Variants in PDE4D observed in about 807,000 individuals in gnomAD.
The protein encoded by PDE4D is phosphodiesterase 4D.
Under a neutral mutation model 87.4 loss-of-function variants are expected in PDE4D, and 24 were observed. That is an observed-to-expected ratio of 0.27 (90% CI 0.20 to 0.39). The LOEUF is 0.39. Among genes scored for constraint, PDE4D ranks in the 10% least tolerant of loss-of-function variants. The pLI, the probability that PDE4D is intolerant of heterozygous loss-of-function variation, is 1.00. For synonymous variants in PDE4D, 384 were observed against 383.2 expected, an observed-to-expected ratio of 1.00 and a Z score of -0.02; for missense variants, 714 against 1,041.0, an observed-to-expected ratio of 0.69 and a Z score of 4.32.
intron 1 of PDE4D, among the ~76,000 whole-genome samples, chr5:59,801,750 C>T (rs1024866572): frequency 6.6e-6 from 1 of 152,096 alleles, no homozygotes; most frequent in African/African-American, 2.4e-5. Flanking sequence ...CACAATGAAT[C>T]ATCTACTCCA....
chr5:60,396,311 C>T lies in PDE4D; in HGVS notation c.-90+91631G>A, dbSNP rs573393656. Among the ~76,000 whole-genome samples the T allele has an allele frequency of 4.6e-5, 7 of 152,238 alleles. No homozygotes were observed. The South Asian group carries it at 1.2e-3, about 27-fold the overall frequency. ...AATAAGAAAAGCCTCCTGTGTCTTC[C>T]TTTATGAAGTCAGGAAGGTGAACTG... is the stretch of plus-strand genomic sequence containing the variant. On this transcript the variant is annotated intron_variant, in intron 1 of 16. Coordinates refer to the PDE4D transcript ENST00000502484.
intron 1 of PDE4D, among the ~76,000 whole-genome samples, chr5:59,624,321 C>CT (rs5868188): frequency 0.86 from 131,550 of 152,116 alleles, 56,933 homozygotes; most frequent in South Asian, 0.93. Context: ...ACTCCTGCCC[C>CT]GATCACAATG....
intron 5 of PDE4D, among the ~76,000 whole-genome samples, chr5:59,116,195 G>T (rs1561511995): frequency 2.0e-5 from 3 of 152,002 alleles, no homozygotes; most frequent in African/African-American, 7.3e-5. Flanking sequence ...TGTTTTTTGA[G>T]CACATATATT....
intron 5 of PDE4D, among the ~76,000 whole-genome samples, chr5:59,041,460 C>T (rs767910711): frequency 1.2e-4 from 18 of 152,222 alleles, no homozygotes; most frequent in Non-Finnish European, 2.1e-4. Context: ...ATTTTCCTCT[C>T]TCTCTCATTC....
intron 2 of PDE4D, among the ~76,000 whole-genome samples, chr5:60,156,676 C>T (rs1204521150): frequency 2.0e-5 from 3 of 152,070 alleles, no homozygotes; most frequent in Non-Finnish European, 4.4e-5. Context: ...AAAACAAAAT[C>T]ACCCATAATC....
chr5:59,684,793 A>T (rs1749587501), intron 1 of PDE4D, among the ~76,000 whole-genome samples: 1 of 152,244 alleles, frequency 6.6e-6, no homozygotes, highest in African/African-American at 2.4e-5. Context: ...TGGCAGACAC[A>T]TTCCTGGGAA....
Position 59,885,163 on chromosome 5 carries a change from C to T in PDE4D, c.455+8005G>A, listed in dbSNP as rs1447782825. Among the ~76,000 whole-genome samples, 5 of 151,994 alleles carry T rather than the reference C, an allele frequency of 3.3e-5. No homozygotes were observed. In the East Asian group the frequency reaches 5.8e-4, roughly 18 times the overall value. ...ATATATGCATGGGCCTTATTCTTGA[C>T]CATTTATCCAGTTGGTTGAATAATT... On this transcript the variant is annotated intron_variant, in intron 1 of 14. Transcript: ENST00000340635.
chr5:59,166,922 T>C (rs1401699088), intron 5 of PDE4D, among the ~76,000 whole-genome samples: 1 of 152,200 alleles, frequency 6.6e-6, no homozygotes, highest in African/African-American at 2.4e-5. Flanking sequence ...TTGCACAGTT[T>C]CCAGAGATGG....
At chr5:59,572,737 C>A (rs904554750) in intron 1 of PDE4D, among the ~76,000 whole-genome samples, 14 of 152,330 alleles carry the variant, frequency 9.2e-5, no homozygotes, top group African/African-American at 3.1e-4. Context: ...GCCTCGGCCT[C>A]CCAAAGTGCT....
At chr5:59,334,244 G>A (rs1265764854) in intron 1 of PDE4D, among the ~76,000 whole-genome samples, 1 of 134,496 alleles carries the variant, frequency 7.4e-6, no homozygotes, top group Non-Finnish European at 1.6e-5. Flanking sequence ...AGGATCCAGT[G>A]GAGTTTTTTT....
chr5:59,296,440 C>T (rs991031524), intron 1 of PDE4D, among the ~76,000 whole-genome samples: 8 of 152,000 alleles, frequency 5.3e-5, no homozygotes, highest in Admixed American at 5.2e-4. Context: ...TGCATTGTTA[C>T]TCTTTAGCTA....
At chr5:59,952,587 CTTG>C (rs1581885728) in intron 3 of PDE4D, among the ~76,000 whole-genome samples, 2 of 152,168 alleles carry the variant, frequency 1.3e-5, no homozygotes, top group African/African-American at 4.8e-5. Flanking sequence ...TTGAAGGATA[CTTG>C]TTGTTGATCC....
intron 5 of PDE4D, among the ~76,000 whole-genome samples, chr5:59,120,651 C>T (rs989117681): frequency 1.3e-5 from 2 of 149,602 alleles, no homozygotes; most frequent in Admixed American, 6.7e-5. Flanking sequence ...AAACCAATGT[C>T]ATTTTTCACA....
chr5:60,039,469 A>C (rs1399845490), intron 2 of PDE4D, among the ~76,000 whole-genome samples: 2 of 151,826 alleles, frequency 1.3e-5, no homozygotes, highest in East Asian at 3.9e-4. Flanking sequence ...TAGCTTTAGG[A>C]GATATACCTA....
chr5:59,688,173 T>C (rs1750243977), intron 1 of PDE4D, among the ~76,000 whole-genome samples: 1 of 152,168 alleles, frequency 6.6e-6, no homozygotes, highest in Admixed American at 6.5e-5. Context: ...GACAGAAAGT[T>C]AACAAGGTTA....
chr5:59,125,828 G>A (rs1385573018), intron 5 of PDE4D, among the ~76,000 whole-genome samples: 1 of 152,038 alleles, frequency 6.6e-6, no homozygotes, highest in Non-Finnish European at 1.5e-5. Flanking sequence ...AATAGTGAAG[G>A]GAATTGAAAC....
At chr5:59,754,866 T>C (rs1219801384) in intron 1 of PDE4D, among the ~76,000 whole-genome samples, 2 of 136,156 alleles carry the variant, frequency 1.5e-5, no homozygotes, top group East Asian at 2.3e-4. Flanking sequence ...ATAATTACAG[T>C]GTGGGAAAAC....
chr5:59,450,191 G>C (rs1212230776), intron 1 of PDE4D, among the ~76,000 whole-genome samples: 1 of 152,200 alleles, frequency 6.6e-6, no homozygotes, highest in Admixed American at 6.5e-5. Context: ...AAATTTCAAA[G>C]AGATAGCATG....
chr5:59,911,328 G>T (rs1753415895), intron 3 of PDE4D, among the ~76,000 whole-genome samples: 1 of 152,048 alleles, frequency 6.6e-6, no homozygotes, highest in South Asian at 2.1e-4. Context: ...AGGATCAGCT[G>T]GCACCACCCA....
Sources: gnomAD v4.1 joint callset for allele counts (sites outside exome capture counted in the v4.1 genomes callset) on GRCh38, gnomAD v4.1.1 for gene constraint, MANE v1.5 for transcripts, NCBI Gene and HGNC (gene_info 2026-07-23, HGNC 2026-07-21) for gene names.